MARCHF1: variants seen among roughly 807,000 people sequenced by gnomAD.
MARCHF1 encodes membrane associated ring-CH-type finger 1.
A neutral mutation model predicts 54.2 loss-of-function variants in MARCHF1; 40 were observed. The observed-to-expected ratio is 0.74, with a 90% CI of 0.57 to 0.96. MARCHF1 has a LOEUF of 0.96. MARCHF1 is among the 40% of genes least tolerant of loss of function. The probability of loss-of-function intolerance (pLI) is 0.00; values close to 1 mark genes in which losing one functional copy is unlikely to be tolerated. For missense variants in MARCHF1, 586 were observed against 656.5 expected (o/e 0.89, Z 1.17); for synonymous variants, 236 against 236.3 (o/e 1.00, Z 0.01).
chr4:163,872,145 T>C (rs1234269093), intron 3 of MARCHF1, among the ~76,000 whole-genome samples: 1 of 152,244 alleles, frequency 6.6e-6, no homozygotes, highest in Non-Finnish European at 1.5e-5. Flanking sequence ...TTAATTCTAA[T>C]TCAGAATAAC....
intron 1 of MARCHF1, among the ~76,000 whole-genome samples, chr4:164,299,907 T>C (rs916214364): frequency 3.3e-5 from 5 of 152,204 alleles, no homozygotes; most frequent in Admixed American, 3.3e-4. Context: ...GACCTAAGTA[T>C]ACTTGTTCCA....
intron 3 of MARCHF1, among the ~76,000 whole-genome samples, chr4:163,962,730 TA>T: frequency 6.6e-6 from 1 of 152,068 alleles, no homozygotes; most frequent in Non-Finnish European, 1.5e-5. Flanking sequence ...AGCATTCTAG[TA>T]AAAAATAATT....
chr4:163,965,988 T>A (rs1043433150), intron 3 of MARCHF1, among the ~76,000 whole-genome samples: 1 of 152,098 alleles, frequency 6.6e-6, no homozygotes, highest in Non-Finnish European at 1.5e-5. Context: ...ACAGATACAA[T>A]AACATAAACA....
intron 1 of MARCHF1, among the ~76,000 whole-genome samples, chr4:164,340,477 T>C (rs1729890072): frequency 6.9e-6 from 1 of 144,604 alleles, no homozygotes; most frequent in African/African-American, 2.5e-5. Context: ...TTGCCCAGGA[T>C]GGAATGCAGC....
chr4:163,707,099 T>C lies in MARCHF1; in HGVS notation c.112-6236A>G, dbSNP rs115388495. 4.9e-3 allele frequency among the ~76,000 whole-genome samples: 751 copies of C among 152,204 alleles called. 3 individuals carry two copies. Among genetic ancestry groups the C allele is most frequent in the African/African-American group, 0.017 (723 of 41,558 alleles). ...AGCATATATAATCATGGAGTCCTGA[T>C]GGAACAATGTCTTAAATGTTAAAGA... is the stretch of plus-strand genomic sequence containing the variant. On this transcript the variant is annotated intron_variant, in intron 4 of 9. Coordinates refer to ENST00000514618, the MANE Select transcript of MARCHF1 (RefSeq NM_001394959.1).
chr4:163,948,002 T>C (rs963489352), intron 3 of MARCHF1, among the ~76,000 whole-genome samples: 1 of 152,202 alleles, frequency 6.6e-6, no homozygotes, highest in Non-Finnish European at 1.5e-5. Context: ...TAGATTTCTC[T>C]ACTTTTAATC....
chr4:163,951,358 C>G (rs1185501092), intron 3 of MARCHF1, among the ~76,000 whole-genome samples: 1 of 152,048 alleles, frequency 6.6e-6, no homozygotes, highest in Admixed American at 6.6e-5. Flanking sequence ...CAGGTGTAAG[C>G]CTTCAGTAAA....
intron 2 of MARCHF1, among the ~76,000 whole-genome samples, chr4:164,077,577 A>G (rs1042860967): frequency 2.0e-5 from 3 of 152,230 alleles, no homozygotes; most frequent in Admixed American, 6.5e-5. Context: ...AGAAAGTAGC[A>G]TCAGAGTGAA....
intron 5 of MARCHF1, among the ~76,000 whole-genome samples, chr4:163,652,506 C>T (rs1011009258): frequency 1.3e-5 from 2 of 151,762 alleles, no homozygotes; most frequent in Non-Finnish European, 2.9e-5. Flanking sequence ...CTCCAGCTCT[C>T]GGCAGAGTAG....
At chr4:163,749,547 T>C (rs1746458608) in intron 4 of MARCHF1, among the ~76,000 whole-genome samples, 1 of 152,124 alleles carries the variant, frequency 6.6e-6, no homozygotes, top group Non-Finnish European at 1.5e-5. Context: ...ATGCACAACA[T>C]CAGCTGTAAC....
chr4:164,113,645 T>C (rs1560910693), intron 1 of MARCHF1, among the ~76,000 whole-genome samples: 1 of 151,948 alleles, frequency 6.6e-6, no homozygotes, highest in Non-Finnish European at 1.5e-5. Flanking sequence ...AAAAATCTAA[T>C]AAATAATTGT....
At chr4:163,982,532 C>T (rs956879529) in intron 3 of MARCHF1, among the ~76,000 whole-genome samples, 1 of 152,182 alleles carries the variant, frequency 6.6e-6, no homozygotes, top group African/African-American at 2.4e-5. Flanking sequence ...ATTCTGAGTC[C>T]TTAATGTTGT....
At chr4:164,134,778 C>A (rs6812319) in intron 1 of MARCHF1, among the ~76,000 whole-genome samples, 8,810 of 150,272 alleles carry the variant, frequency 0.059, 397 homozygotes, top group East Asian at 0.2. Flanking sequence ...GCATATGTTA[C>A]CAACTTAAAA....
At chr4:163,664,049 G>C (rs984377723) in intron 5 of MARCHF1, among the ~76,000 whole-genome samples, 1 of 151,772 alleles carries the variant, frequency 6.6e-6, no homozygotes, top group Non-Finnish European at 1.5e-5. Context: ...AAAATAAACC[G>C]AGTACTCTCA....
At chr4:163,912,035 C>A (rs1378507841) in intron 3 of MARCHF1, among the ~76,000 whole-genome samples, 1 of 149,302 alleles carries the variant, frequency 6.7e-6, no homozygotes, top group Non-Finnish European at 1.5e-5. Flanking sequence ...GGCTGGTAGA[C>A]CAGTGTTATT....
At chr4:164,059,487 A>T (rs1754568476) in intron 2 of MARCHF1, among the ~76,000 whole-genome samples, 1 of 152,224 alleles carries the variant, frequency 6.6e-6, no homozygotes, top group South Asian at 2.1e-4. Flanking sequence ...TTCAAGATGA[A>T]TAAATAAAAC....
At chr4:163,904,329 C>T (rs1309024386) in intron 3 of MARCHF1, among the ~76,000 whole-genome samples, 1 of 152,150 alleles carries the variant, frequency 6.6e-6, no homozygotes, top group Non-Finnish European at 1.5e-5. Flanking sequence ...AATTAGAGCG[C>T]TCCCTGTGTC....
intron 1 of MARCHF1, among the ~76,000 whole-genome samples, chr4:164,320,812 TG>T (rs1285740853): frequency 4.1e-5 from 6 of 148,028 alleles, no homozygotes; most frequent in Non-Finnish European, 6.0e-5. Flanking sequence ...GGAGTGGGGC[TG>T]GGGGGTTGTA....
At chr4:164,140,314 A>G (rs1474576269) in intron 1 of MARCHF1, among the ~76,000 whole-genome samples, 1 of 151,866 alleles carries the variant, frequency 6.6e-6, no homozygotes, top group Non-Finnish European at 1.5e-5. Flanking sequence ...TTTTGAATAA[A>G]CAAAAAAATC....
Sources: allele counts gnomAD v4.1 joint callset (sites outside exome capture counted in the v4.1 genomes callset), GRCh38; gene constraint gnomAD v4.1.1; transcripts MANE v1.5; gene names NCBI Gene and HGNC (gene_info 2026-07-23, HGNC 2026-07-21).